ZNF333: variants seen among roughly 807,000 people sequenced by gnomAD.
ZNF333 encodes zinc finger protein 333.
In ZNF333, 61 loss-of-function variants were observed where a neutral mutation model predicts 76.1. The ratio of observed to expected loss-of-function variants is 0.80; its 90% confidence interval spans 0.65 to 0.99. The LOEUF is 0.99. Ranked by LOEUF, ZNF333 falls within the 50% of genes least tolerant of loss-of-function variation. The pLI is 0.00. For synonymous variants in ZNF333, 284 were observed against 305.0 expected (o/e 0.93, Z 0.72); for missense variants, 717 against 822.4 (o/e 0.87, Z 1.57).
intron 7 of ZNF333, among the ~76,000 whole-genome samples, chr19:14,710,264 A>G (rs898671254): frequency 3.3e-5 from 5 of 152,338 alleles, no homozygotes; most frequent in African/African-American, 1.2e-4. Context: ...CGCACCCCCC[A>G]GCCCACCTGT....
At chr19:14,707,386 G>T (rs8104236) in intron 7 of ZNF333, 17,607 of 152,008 alleles carry the variant, frequency 0.12, 1,181 homozygotes, top group African/African-American at 0.19. Context: ...TGCAGCCTGG[G>T]TGACAGAATG....
chr19:14,717,620 C>G (rs1242715039), intron 10 of ZNF333, 37 bp from the exon 11 acceptor site: 2 of 1,585,858 alleles, frequency 1.3e-6, no homozygotes, highest in Non-Finnish European at 1.7e-6. Context: ...GTTTCTTTCT[C>G]TGTGTGCTTA....
Position 14,717,696 on chromosome 19 carries a change from A to T in ZNF333, c.863A>T (p.Asp288Val). ...CQPQEAIPSQDTFTEILSIDV... is the reference protein window; with the variant it reads ...CQPQEAIPSQVTFTEILSIDV... ...CCCCAAGAGGCAATTCCTAGCCAAG[A>T]TACTTTTACAGAGATCCTGTCCATT... The change falls in exon 11 of 12, where the codon GAT (aspartate) becomes GTT (valine). Residue 288 changes from aspartate to valine, a missense_variant. Coordinates refer to ENST00000292530, the MANE Select transcript of ZNF333 (RefSeq NM_032433.4). 1 of 1,614,130 alleles carries T rather than the reference A, an allele frequency of 6.2e-7. No individual in the cohort carries two copies. The highest frequency in any genetic ancestry group is 1.3e-5 in the African/African-American group (1 of 75,040).
chr19:14,732,872 G>A (rs1055198553), exon 12 of ZNF333: 4 of 152,172 alleles, frequency 2.6e-5, no homozygotes. Flanking sequence ...TCATACCACA[G>A]TGGTAGAATT....
chr19:14,719,375 A>G lies in ZNF333; in HGVS notation c.*50A>G. 6.6e-7 allele frequency: 1 copy of G among 1,516,412 alleles called. No individual in the cohort carries two copies. The highest frequency in any genetic ancestry group is 8.8e-7 in the Non-Finnish European group (1 of 1,131,642). The allele number at this position is 1,516,412 out of a possible 1,614,324, so 93.9% of individuals were successfully genotyped here. ...ACATGGGGCTATGACTTTCCCTCGT[A>G]ATACTCCTTTAGCTGCATCCTGTGT... On this transcript the variant is annotated 3_prime_UTR_variant, in exon 12 of 12. Transcript: ENST00000292530.
At chr19:14,700,966 G>C (rs1439626977) in intron 5 of ZNF333, among the ~76,000 whole-genome samples, 3 of 152,188 alleles carry the variant, frequency 2.0e-5, no homozygotes, top group Non-Finnish European at 4.4e-5. Context: ...GTGCAGCTTG[G>C]TGTGGGCTGC....
intron 8 of ZNF333, among the ~76,000 whole-genome samples, chr19:14,715,887 A>G (rs1262380879): frequency 6.6e-6 from 1 of 152,178 alleles, no homozygotes; most frequent in Non-Finnish European, 1.5e-5. Flanking sequence ...AGGACTTGCA[A>G]CATTAGTTAT....
intron 1 of ZNF333, among the ~76,000 whole-genome samples, chr19:14,692,014 C>T (rs902285745): frequency 9.2e-5 from 14 of 152,122 alleles, no homozygotes; most frequent in Non-Finnish European, 1.5e-4. Flanking sequence ...CATATTCCTT[C>T]TTAGGCTAGC....
intron 5 of ZNF333, among the ~76,000 whole-genome samples, chr19:14,699,800 C>T (rs1307845530): frequency 2.0e-5 from 3 of 152,096 alleles, no homozygotes; most frequent in East Asian, 1.9e-4. Flanking sequence ...ACGACTTCCT[C>T]CTCAGCAACT....
intron 2 of ZNF333, among the ~76,000 whole-genome samples, chr19:14,693,825 G>A (rs10411315): frequency 0.71 from 107,426 of 151,720 alleles, 39,236 homozygotes; most frequent in African/African-American, 0.87. Context: ...TTAAGATTCA[G>A]TACATTTAGC....
intron 7 of ZNF333, 63 bp downstream of exon 7, chr19:14,706,836 G>A: frequency 7.0e-7 from 1 of 1,437,214 alleles, no homozygotes; most frequent in South Asian, 1.2e-5. Flanking sequence ...TTCTGTCCAG[G>A]AACTTGTATC....
At chr19:14,703,992 T>TA (rs2146975202) in intron 5 of ZNF333, among the ~76,000 whole-genome samples, 1 of 152,272 alleles carries the variant, frequency 6.6e-6, no homozygotes, top group South Asian at 2.1e-4. Flanking sequence ...TTCTCACCCT[T>TA]ATGGAGGCTG....
At chr19:14,708,321 C>T in intron 7 of ZNF333, 1 of 401,064 alleles carries the variant, frequency 2.5e-6, no homozygotes, top group Non-Finnish European at 4.4e-6. Context: ...TTTGTTACTT[C>T]TTGAAGCGGG....
chr19:14,704,308 A>G lies in ZNF333; in HGVS notation c.307-746A>G, dbSNP rs535703872. ...TGTACCCTGACTTTTTTTTTAAGAC[A>G]CAATCTCGCTCTGTCGTCCAGGCTG... is the stretch of plus-strand genomic sequence containing the variant. On this transcript the variant is annotated intron_variant, in intron 5 of 11. Coordinates refer to ENST00000292530, the MANE Select transcript of ZNF333 (RefSeq NM_032433.4). Among the ~76,000 whole-genome samples, 26 of 151,980 alleles carry G rather than the reference A, an allele frequency of 1.7e-4. No homozygotes were observed. In the East Asian group the frequency reaches 5.0e-3, roughly 29 times the overall value.
intron 5 of ZNF333, among the ~76,000 whole-genome samples, chr19:14,702,658 C>T (rs1412119260): frequency 6.6e-6 from 1 of 152,256 alleles, no homozygotes; most frequent in African/African-American, 2.4e-5. Context: ...AGTGTTGCTG[C>T]TTTCATCCTC....
Position 14,719,450 on chromosome 19 carries a change from C to G in ZNF333, c.*125C>G. 1.7e-6 allele frequency: 2 copies of G among 1,186,738 alleles called. No individual in the cohort carries two copies. The highest frequency in any genetic ancestry group is 1.7e-5 in the South Asian group (1 of 59,604). 73.5% of individuals were successfully genotyped at this position (1,186,738 alleles called of 1,614,324 possible). ...GGTTTAATTGTAAGTATTGTCTTAACCTCCATTATCGTTTATTCTTTGACC... is the reference window on the plus strand; with the variant it reads ...GGTTTAATTGTAAGTATTGTCTTAAGCTCCATTATCGTTTATTCTTTGACC... On this transcript the variant is annotated 3_prime_UTR_variant, in exon 12 of 12. Transcript: ENST00000292530.
intron 2 of ZNF333, 48 bp downstream of exon 2, chr19:14,693,542 T>C: frequency 1.3e-6 from 2 of 1,590,664 alleles, no homozygotes; most frequent in Non-Finnish European, 8.6e-7. Context: ...ATATGTAGGA[T>C]AACTATGTCC....
At position 14,721,473 on chromosome 19, in the gene ZNF333, C is replaced by G. The variant is rs903064759; in HGVS notation, c.*2148C>G. On this transcript the variant is annotated 3_prime_UTR_variant, in exon 12 of 12. Transcript: ENST00000292530. ...CTCATCCTCAAAGGTTATCACTATT[C>G]TGATGTCTATCACCATAGATTTGTT... 4 of 152,038 alleles carry G rather than the reference C, an allele frequency of 2.6e-5. No individual in the cohort carries two copies. The highest frequency in any genetic ancestry group is 9.7e-5 in the African/African-American group (4 of 41,400). 9.4% of individuals were successfully genotyped at this position (152,038 alleles called of 1,614,324 possible).
At chr19:14,706,020 A>G (rs1197788659) in intron 6 of ZNF333, 1 of 446,004 alleles carries the variant, frequency 2.2e-6, no homozygotes. Flanking sequence ...GACCTGCTGC[A>G]TGTACCCCCC....
Sources: allele counts gnomAD v4.1 joint callset (sites outside exome capture counted in the v4.1 genomes callset), GRCh38; gene constraint gnomAD v4.1.1; transcripts MANE v1.5; gene names NCBI Gene and HGNC (gene_info 2026-07-23, HGNC 2026-07-21).